Variants in DNAH5 observed in about 807,000 individuals in gnomAD.
The protein encoded by DNAH5 is axonemal beta dynein heavy chain 5.
Under a neutral mutation model 518.2 loss-of-function variants are expected in DNAH5, and 372 were observed. The observed-to-expected ratio is 0.72, with a 90% confidence interval of 0.66 to 0.78. The LOEUF (loss-of-function observed/expected upper bound fraction) is 0.78. Among genes scored for constraint, DNAH5 ranks in the 30% least tolerant of loss-of-function variants. The pLI is 0.00. For synonymous variants in DNAH5, 2,039 were observed against 2,025.9 expected (o/e 1.01, Z -0.17); for missense variants, 5,523 against 5,687.0 (o/e 0.97, Z 0.93).
chr5:13,778,588 A>AGAGAGAGAG (rs1561234576), intron 53 of DNAH5, among the ~76,000 whole-genome samples: 10 of 73,396 alleles, frequency 1.4e-4, no homozygotes, highest in African/African-American at 5.1e-4. Context: ...GAAAGAAAGA[A>AGAGAGAGAG]AGAAAGAAAG....
intron 12 of DNAH5, among the ~76,000 whole-genome samples, chr5:13,907,672 C>T (rs1444325409): frequency 6.6e-6 from 1 of 152,076 alleles, no homozygotes; most frequent in East Asian, 1.9e-4. Flanking sequence ...TATGACCCTC[C>T]CCCCAAAAAA....
At chr5:13,778,526 TGA>T (rs1250689302) in intron 53 of DNAH5, among the ~76,000 whole-genome samples, 34 of 62,384 alleles carry the variant, frequency 5.5e-4, no homozygotes, top group Admixed American at 6.1e-4. Flanking sequence ...GGAGAGAAAG[TGA>T]GAGAGAGAGA....
At chr5:13,749,969 G>A (rs35866766) in intron 65 of DNAH5, among the ~76,000 whole-genome samples, 5,943 of 152,070 alleles carry the variant, frequency 0.039, 180 homozygotes, top group Non-Finnish European at 0.063. Context: ...TCAACCATGC[G>A]ATTTATGAAG....
intron 73 of DNAH5, 35 bp downstream of exon 73, chr5:13,717,280 C>A (rs572053952): frequency 6.3e-7 from 1 of 1,597,236 alleles, no homozygotes; most frequent in Non-Finnish European, 8.6e-7. Context: ...AAGCCCACAG[C>A]CACTAGAGGC....
chr5:13,884,817 C>T (rs1313822491), intron 19 of DNAH5, among the ~76,000 whole-genome samples, 172 bp downstream of exon 19: 1 of 152,198 alleles, frequency 6.6e-6, no homozygotes, highest in Non-Finnish European at 1.5e-5. Flanking sequence ...ACCTGGTCGA[C>T]AGGGCGAGAC....
chr5:13,982,970 T>C (rs1033369134), intron 1 of DNAH5, among the ~76,000 whole-genome samples: 1 of 152,254 alleles, frequency 6.6e-6, no homozygotes, highest in African/African-American at 2.4e-5. Context: ...AAAAGGGGCA[T>C]ATCTGGTAGA....
chr5:13,826,018 A>C lies in DNAH5; in HGVS notation c.6445-1685T>G, dbSNP rs1762846345. 1.3e-5 allele frequency among the ~76,000 whole-genome samples: 2 copies of C among 152,234 alleles called. 1 individual carries two copies. Among genetic ancestry groups the C allele is most frequent in the East Asian group, 3.8e-4 (2 of 5,202 alleles). ...TCCACCTTCAGGGAATTTAAATTCT[A>C]ATAAAGATAATAAAATAGAAATGTG... On this transcript the variant is annotated intron_variant, in intron 38 of 78. Coordinates refer to ENST00000265104, the MANE Select transcript of DNAH5 (RefSeq NM_001369.3).
chr5:13,832,683 C>T (rs146620952), intron 35 of DNAH5, among the ~76,000 whole-genome samples: 52 of 152,298 alleles, frequency 3.4e-4, no homozygotes, highest in African/African-American at 1.2e-3. Context: ...CACTTGTACC[C>T]TCAACTACTT....
chr5:13,954,168 C>A (rs1032774685), intron 1 of DNAH5, among the ~76,000 whole-genome samples: 4 of 152,180 alleles, frequency 2.6e-5, no homozygotes, highest in African/African-American at 9.7e-5. Context: ...TGTACTCATT[C>A]ATCTCACCAA....
chr5:13,897,364 T>C (rs11951728), intron 15 of DNAH5, among the ~76,000 whole-genome samples: 13,333 of 152,204 alleles, frequency 0.088, 1,317 homozygotes, highest in African/African-American at 0.24. Flanking sequence ...GCAGGCATTC[T>C]ACTTCCCACC....
intron 25 of DNAH5, among the ~76,000 whole-genome samples, 176 bp from the exon 26 acceptor site, chr5:13,866,458 T>TA (rs933909562): frequency 6.6e-6 from 1 of 152,168 alleles, no homozygotes; most frequent in Admixed American, 6.5e-5. Context: ...GTTTCTAGTC[T>TA]AAAAAAGCCA....
chr5:13,919,127 A>G (rs746963955), intron 7 of DNAH5, 49 bp downstream of exon 7: 1 of 1,610,820 alleles, frequency 6.2e-7, no homozygotes, highest in African/African-American at 1.3e-5. Context: ...AAATATGCAT[A>G]GAGAACTCTT....
intron 12 of DNAH5, among the ~76,000 whole-genome samples, chr5:13,903,161 A>T (rs1207268219): frequency 2.6e-5 from 4 of 152,158 alleles, no homozygotes; most frequent in East Asian, 1.9e-4. Flanking sequence ...TCAGATTTTT[A>T]AAAATAAAAT....
intron 78 of DNAH5, among the ~76,000 whole-genome samples, chr5:13,698,378 A>G (rs1741646709): frequency 6.6e-6 from 1 of 152,226 alleles, no homozygotes; most frequent in African/African-American, 2.4e-5. Context: ...TATGTCCTAT[A>G]AAGTCACCAT....
chr5:13,862,691 C>A lies in DNAH5; in HGVS notation c.4653G>T (p.Val1551=), dbSNP rs1254130112. The change falls in exon 29 of 79, where the codon GTG becomes GTT. Residue 1551 remains valine (V), a synonymous_variant. Coordinates refer to ENST00000265104, the MANE Select transcript of DNAH5 (RefSeq NM_001369.3). ...ATGTTTTATTGTCCCATTCATTAAT[C>A]ACTTGCTTCAGCTTTTGCTCAATGT... ...ERDIEQKLKQ[V]INEWDNKTFT... The A allele has an allele frequency of 4.3e-6, 7 of 1,613,866 alleles. No individual in the cohort carries two copies. The highest frequency in any genetic ancestry group is 1.7e-5 in the Admixed American group (1 of 59,984).
At chr5:13,835,090 C>A (rs1010168490) in intron 35 of DNAH5, among the ~76,000 whole-genome samples, 4 of 151,908 alleles carry the variant, frequency 2.6e-5, no homozygotes, top group African/African-American at 9.7e-5. Flanking sequence ...TTCAAGAACA[C>A]CCTGGCCAAC....
At chr5:13,790,963 T>C (rs1464281586) in intron 50 of DNAH5, among the ~76,000 whole-genome samples, 2 of 152,146 alleles carry the variant, frequency 1.3e-5, no homozygotes, top group East Asian at 1.9e-4. Flanking sequence ...AAGATAACTA[T>C]TGGGTACTGG....
At chr5:13,814,496 T>G in intron 43 of DNAH5, 109 bp downstream of exon 43, 1 of 1,074,544 alleles carries the variant, frequency 9.3e-7, no homozygotes, top group Non-Finnish European at 1.4e-6. Context: ...AACATTAGCA[T>G]AAAAATGCAG....
chr5:13,695,316 G>A (rs1267083749), intron 78 of DNAH5, among the ~76,000 whole-genome samples: 1 of 152,160 alleles, frequency 6.6e-6, no homozygotes, highest in Non-Finnish European at 1.5e-5. Flanking sequence ...GCATGATGGA[G>A]GGAGGTATAC....
Sources: allele counts gnomAD v4.1 joint callset (sites outside exome capture counted in the v4.1 genomes callset), GRCh38; gene constraint gnomAD v4.1.1; transcripts MANE v1.5; gene names NCBI Gene and HGNC (gene_info 2026-07-23, HGNC 2026-07-21).